The following COL4A4 variants were observed in gnomAD, a reference collection of about 807,000 sequenced individuals.
COL4A4 encodes collagen alpha-4(IV) chain.
COL4A4 carries 105 observed loss-of-function variants against 192.9 expected under a neutral mutation model. That is an observed-to-expected ratio of 0.54 (90% CI 0.46 to 0.64). The LOEUF (loss-of-function observed/expected upper bound fraction) is 0.64. COL4A4 is among the 30% of genes least tolerant of loss of function. The probability of loss-of-function intolerance (pLI) is 0.00; values close to 1 mark genes in which losing one functional copy is unlikely to be tolerated. For missense variants in COL4A4, 1,967 were observed against 2,169.3 expected (o/e 0.91, Z 1.85); for synonymous variants, 762 against 769.9 (o/e 0.99, Z 0.17).
chr2:227,112,164 T>C (rs2061248214), intron 8 of COL4A4, among the ~76,000 whole-genome samples: 1 of 152,064 alleles, frequency 6.6e-6, no homozygotes, highest in Admixed American at 6.5e-5. Context: ...TGTGACTCTG[T>C]GCTGAGACTC....
chr2:227,076,477 A>G (rs2059031224), intron 25 of COL4A4, among the ~76,000 whole-genome samples: 3 of 152,250 alleles, frequency 2.0e-5, no homozygotes, highest in Non-Finnish European at 4.4e-5. Context: ...TACATCTTAT[A>G]CAAAAATTAA....
At chr2:227,025,691 C>T (rs1472093738) in intron 43 of COL4A4, 111 bp downstream of exon 43, 1 of 963,152 alleles carries the variant, frequency 1.0e-6, no homozygotes, top group Non-Finnish European at 1.6e-6. Flanking sequence ...AGCACCCCAT[C>T]TATAAAAATG....
chr2:227,064,980 T>A (rs563448021), intron 25 of COL4A4, among the ~76,000 whole-genome samples: 2 of 152,162 alleles, frequency 1.3e-5, no homozygotes, highest in African/African-American at 4.8e-5. Flanking sequence ...AGGTACCGGG[T>A]TCATCTCACT....
intron 37 of COL4A4, among the ~76,000 whole-genome samples, chr2:227,039,044 A>G (rs1217214118): frequency 2.6e-5 from 4 of 152,204 alleles, no homozygotes; most frequent in Admixed American, 1.3e-4. Flanking sequence ...ATGCCAAGTA[A>G]TATGTTCATT....
Position 227,059,633 on chromosome 2 carries a change from A to G in COL4A4, c.2165-10T>C. ...ATGTCACCACGAAAACCTATTTAAC[A>G]ACAAAAAAAAATTTTTAATGATAAC... On this transcript the variant is annotated splice_polypyrimidine_tract_variant and intron_variant, in intron 27 of 47. Coordinates refer to ENST00000396625, the MANE Select transcript of COL4A4 (RefSeq NM_000092.5). 6.2e-7 allele frequency: 1 copy of G among 1,608,686 alleles called. No homozygotes were observed. The highest frequency in any genetic ancestry group is 8.5e-7 in the Non-Finnish European group (1 of 1,176,218).
intron 4 of COL4A4, among the ~76,000 whole-genome samples, chr2:227,127,235 G>A (rs35251795): frequency 0.35 from 53,532 of 152,152 alleles, 9,991 homozygotes; most frequent in Non-Finnish European, 0.41. Context: ...AGACAGAGCC[G>A]CTGAATCCAG....
chr2:227,137,912 G>A (rs1184654025), intron 4 of COL4A4, among the ~76,000 whole-genome samples: 1 of 151,972 alleles, frequency 6.6e-6, no homozygotes, highest in Non-Finnish European at 1.5e-5. Flanking sequence ...GAAAAGCCAG[G>A]CTTTTTTTCT....
chr2:227,051,410 A>G (rs1378882610), intron 32 of COL4A4, among the ~76,000 whole-genome samples: 4 of 152,210 alleles, frequency 2.6e-5, no homozygotes, highest in East Asian at 3.8e-4. Context: ...TGCTTATTTT[A>G]CAAATGAAGA....
chr2:226,996,149 C>T, the COL4A4 span: 6 of 152,700 alleles, frequency 3.9e-5, no homozygotes, highest in African/African-American at 1.4e-4. Flanking sequence ...GTAAGAAAGA[C>T]CTAAGGTGGG....
At chr2:227,116,358 C>T (rs533421520) in intron 7 of COL4A4, among the ~76,000 whole-genome samples, 5 of 152,196 alleles carry the variant, frequency 3.3e-5, no homozygotes, top group South Asian at 4.2e-4. Context: ...TATGTTGATC[C>T]AAAGAACATC....
chr2:226,969,040 G>A, the COL4A4 span: 12 of 209,224 alleles, frequency 5.7e-5, no homozygotes, highest in South Asian at 7.3e-4. Context: ...AAGCCAAGCC[G>A]GGATAAACAA....
chr2:226,976,766 A>G, the COL4A4 span, among the ~76,000 whole-genome samples: 1 of 152,208 alleles, frequency 6.6e-6, no homozygotes, highest in Non-Finnish European at 1.5e-5. Flanking sequence ...ACTTGGGCCT[A>G]TCGGGTAGGT....
intron 19 of COL4A4, among the ~76,000 whole-genome samples, chr2:227,094,627 C>G (rs2060112817): frequency 6.6e-6 from 1 of 152,110 alleles, no homozygotes; most frequent in African/African-American, 2.4e-5. Context: ...ATCTACTGTA[C>G]AGCGTGAAAA....
chr2:227,035,448 A>T (rs1969431157), intron 37 of COL4A4, among the ~76,000 whole-genome samples: 2 of 151,778 alleles, frequency 1.3e-5, no homozygotes, highest in Non-Finnish European at 2.9e-5. Flanking sequence ...TCTATTTATC[A>T]TCAGTACTTG....
chr2:227,027,559 A>C (rs1967196512), intron 42 of COL4A4, among the ~76,000 whole-genome samples: 1 of 151,506 alleles, frequency 6.6e-6, no homozygotes, highest in African/African-American at 2.4e-5. Context: ...GGTGCAGCAC[A>C]CCAACATGGC....
rs1966135663 is a variant in COL4A4 at position 227,022,169 on chromosome 2, T to C, written c.4095A>G (p.Glu1365=). The stretch of plus-strand genomic sequence containing the variant: ...CATCCACATCTGCAGGTGGCCCCGG[T>C]TCACCTGAAATTGGAATCACCGCTT... ...GPTGLPGPRG[E]PGPPADVDDC... is the part of the protein sequence containing the mutation. Residue 1365 remains glutamate, a synonymous_variant, in exon 44 of 48, where the codon GAA becomes GAG. Transcript: ENST00000396625. 5.6e-6 allele frequency: 9 copies of C among 1,613,980 alleles called. No individual in the cohort carries two copies. The East Asian group carries it at 1.8e-4, about 32-fold the overall frequency.
chr2:227,094,896 G>A (rs2060128706), intron 19 of COL4A4, among the ~76,000 whole-genome samples: 1 of 151,964 alleles, frequency 6.6e-6, no homozygotes, highest in Admixed American at 6.6e-5. Flanking sequence ...GCTTTCAGAA[G>A]TAGAAAAAAA....
chr2:227,066,334 G>A (rs1240264755), intron 25 of COL4A4, among the ~76,000 whole-genome samples: 10 of 151,820 alleles, frequency 6.6e-5, no homozygotes, highest in Non-Finnish European at 1.5e-4. Context: ...TAGCAAGGCA[G>A]GCCAACATTC....
chr2:227,024,951 A>C (rs567632487), intron 43 of COL4A4, among the ~76,000 whole-genome samples: 3 of 152,250 alleles, frequency 2.0e-5, no homozygotes, highest in Non-Finnish European at 4.4e-5. Flanking sequence ...GACTTTATAC[A>C]TACAATCACA....
Sources: gnomAD v4.1 joint callset for allele counts (sites outside exome capture counted in the v4.1 genomes callset) on GRCh38, gnomAD v4.1.1 for gene constraint, MANE v1.5 for transcripts, NCBI Gene and HGNC (gene_info 2026-07-23, HGNC 2026-07-21) for gene names.